PTPRD: variants seen among roughly 807,000 people sequenced by gnomAD.
The protein encoded by PTPRD is protein tyrosine phosphatase receptor type D, also known as receptor-type tyrosine-protein phosphatase delta.
PTPRD carries 34 observed loss-of-function variants against 214.5 expected under a neutral mutation model. The observed-to-expected ratio is 0.16, with a 90% CI of 0.12 to 0.21. PTPRD has a LOEUF of 0.21. Ranked by LOEUF, PTPRD falls within the 10% of genes least tolerant of loss-of-function variation. PTPRD has a pLI of 1.00. For missense variants in PTPRD, 2,545 were observed against 2,398.7 expected (o/e 1.06, Z -1.27); for synonymous variants, 1,128 against 845.7 (o/e 1.33, Z -5.79).
intron 3 of PTPRD, among the ~76,000 whole-genome samples, chr9:10,292,571 C>T (rs1488610377): frequency 6.6e-6 from 1 of 151,920 alleles, no homozygotes; most frequent in Non-Finnish European, 1.5e-5. Flanking sequence ...CCACAGAAAA[C>T]ATGTAACATA....
intron 7 of PTPRD, among the ~76,000 whole-genome samples, chr9:9,600,685 T>G (rs1295422293): frequency 3.3e-5 from 5 of 152,082 alleles, no homozygotes; most frequent in Non-Finnish European, 5.9e-5. Flanking sequence ...CTTCTCTGAT[T>G]ATTCTATGAA....
intron 11 of PTPRD, among the ~76,000 whole-genome samples, chr9:8,927,620 G>A (rs185518728): frequency 6.6e-6 from 1 of 152,250 alleles, no homozygotes; most frequent in Admixed American, 6.5e-5. Context: ...ATGGGCACTT[G>A]GGTTGGTTCC....
intron 4 of PTPRD, among the ~76,000 whole-genome samples, chr9:9,986,325 A>C (rs1353779100): frequency 1.3e-5 from 2 of 152,298 alleles, no homozygotes; most frequent in Non-Finnish European, 2.9e-5. Flanking sequence ...AATAGTGATG[A>C]AGTGAGATAG....
At chr9:9,742,804 T>C (rs2098417666) in intron 6 of PTPRD, among the ~76,000 whole-genome samples, 1 of 152,206 alleles carries the variant, frequency 6.6e-6, no homozygotes. Flanking sequence ...GACCAAGATA[T>C]GTAATTCAAA....
chr9:8,435,310 G>C (rs973822917), intron 35 of PTPRD, among the ~76,000 whole-genome samples: 5 of 152,144 alleles, frequency 3.3e-5, no homozygotes, highest in African/African-American at 1.2e-4. Context: ...AGCCACTTGA[G>C]GTTGGGGGTC....
intron 9 of PTPRD, among the ~76,000 whole-genome samples, chr9:9,232,820 C>G (rs7043023): frequency 0.87 from 131,795 of 152,078 alleles, 57,821 homozygotes; most frequent in Non-Finnish European, 0.93. Flanking sequence ...ATCCCTCTGA[C>G]CTTCTGACAT....
chr9:8,911,863 G>C (rs2098750588), intron 11 of PTPRD, among the ~76,000 whole-genome samples: 1 of 152,042 alleles, frequency 6.6e-6, no homozygotes, highest in Non-Finnish European at 1.5e-5. Context: ...GGCTTGAACA[G>C]ACATTTTATC....
chr9:9,297,005 A>T (rs1035557483), intron 9 of PTPRD, among the ~76,000 whole-genome samples: 2 of 151,772 alleles, frequency 1.3e-5, no homozygotes, highest in African/African-American at 2.4e-5. Flanking sequence ...CTGCACCTTT[A>T]AGCAGACTGA....
intron 5 of PTPRD, among the ~76,000 whole-genome samples, chr9:9,870,069 T>C (rs1004831803): frequency 2.8e-4 from 42 of 152,106 alleles, no homozygotes; most frequent in African/African-American, 1.0e-3. Flanking sequence ...TTGATACATA[T>C]ATCTTAACAT....
intron 27 of PTPRD, among the ~76,000 whole-genome samples, chr9:8,489,421 C>A (rs770763559): frequency 6.6e-6 from 1 of 152,184 alleles, no homozygotes; most frequent in African/African-American, 2.4e-5. Context: ...GCCAAACCCA[C>A]AACAGTCATT....
intron 3 of PTPRD, among the ~76,000 whole-genome samples, chr9:10,036,506 G>GCACACACACACA (rs59938783): frequency 9.6e-4 from 137 of 142,090 alleles, no homozygotes; most frequent in African/African-American, 3.4e-3. Flanking sequence ...ACACACTCAT[G>GCACACACACACA]CACACACACA....
intron 5 of PTPRD, among the ~76,000 whole-genome samples, chr9:9,901,541 A>G (rs2076398915): frequency 6.6e-6 from 1 of 152,034 alleles, no homozygotes; most frequent in African/African-American, 2.4e-5. Flanking sequence ...GGAAATATAT[A>G]ACCAAAGTTT....
chr9:10,543,290 A>G (rs772494569), intron 2 of PTPRD, among the ~76,000 whole-genome samples: 1 of 152,158 alleles, frequency 6.6e-6, no homozygotes, highest in Non-Finnish European at 1.5e-5. Context: ...TTTATGAAAT[A>G]TTATATAATT....
At chr9:8,478,812 T>G (rs1212208913) in intron 30 of PTPRD, among the ~76,000 whole-genome samples, 1 of 152,200 alleles carries the variant, frequency 6.6e-6, no homozygotes, top group African/African-American at 2.4e-5. Flanking sequence ...TAAAGAGATA[T>G]TAAATTAATT....
At chr9:8,422,684 T>C (rs2094442505) in intron 35 of PTPRD, among the ~76,000 whole-genome samples, 1 of 152,160 alleles carries the variant, frequency 6.6e-6, no homozygotes, top group Non-Finnish European at 1.5e-5. Flanking sequence ...GATAATAGGA[T>C]GATTTCTTGA....
chr9:10,171,824 G>C (rs1341583987), intron 3 of PTPRD, among the ~76,000 whole-genome samples: 1 of 151,974 alleles, frequency 6.6e-6, no homozygotes, highest in African/African-American at 2.4e-5. Context: ...CGCCTGGCCT[G>C]GTATATCTTT....
At chr9:8,579,035 C>T (rs1273720853) in intron 14 of PTPRD, among the ~76,000 whole-genome samples, 3 of 152,072 alleles carry the variant, frequency 2.0e-5, no homozygotes, top group African/African-American at 4.8e-5. Flanking sequence ...TCTGTATATG[C>T]AACACTTACA....
intron 3 of PTPRD, among the ~76,000 whole-genome samples, chr9:10,164,319 G>C (rs1022586345): frequency 6.6e-6 from 1 of 151,486 alleles, no homozygotes; most frequent in African/African-American, 2.4e-5. Context: ...ACAATTTATT[G>C]AATCAATTAA....
At chr9:9,667,071 G>A (rs7854287) in intron 7 of PTPRD, among the ~76,000 whole-genome samples, 103,662 of 151,780 alleles carry the variant, frequency 0.68, 35,889 homozygotes, top group Non-Finnish European at 0.75. Flanking sequence ...AGTCTTTAAG[G>A]TGGCTTCACA....
Sources: allele counts gnomAD v4.1 joint callset (sites outside exome capture counted in the v4.1 genomes callset), GRCh38; gene constraint gnomAD v4.1.1; transcripts MANE v1.5; gene names NCBI Gene and HGNC (gene_info 2026-07-23, HGNC 2026-07-21).